The following ERCC8 variants were observed in gnomAD, a reference collection of about 807,000 sequenced individuals.
ERCC8 encodes the protein DNA excision repair protein ERCC-8.
A neutral mutation model predicts 54.9 loss-of-function variants in ERCC8; 52 were observed. The observed-to-expected ratio is 0.95, with a 90% CI of 0.76 to 1.19. ERCC8 has a LOEUF of 1.19. ERCC8 is among the 50% of genes most tolerant of loss of function. The probability of loss-of-function intolerance (pLI) is 0.00; values close to 1 mark genes in which losing one functional copy is unlikely to be tolerated. For synonymous variants in ERCC8, 146 were observed against 157.2 expected (o/e 0.93, Z 0.53); for missense variants, 514 against 466.1 (o/e 1.10, Z -0.95).
chr5:60,882,287 A>G (rs1224245041), intron 11 of ERCC8, among the ~76,000 whole-genome samples: 1 of 152,246 alleles, frequency 6.6e-6, no homozygotes, highest in African/African-American at 2.4e-5. Context: ...TCCAAGTATC[A>G]GCTAGAAGAG....
intron 7 of ERCC8, among the ~76,000 whole-genome samples, chr5:60,901,217 T>C (rs1748895147): frequency 6.6e-6 from 1 of 152,178 alleles, no homozygotes; most frequent in South Asian, 2.1e-4. Context: ...ACTCTCATAC[T>C]TCTACTTCAT....
chr5:60,918,526 T>G lies in ERCC8; in HGVS notation c.276-138A>C, dbSNP rs4647087. ...AGATCACATGCCTGTGTCCAAGCTGTGTAGAAGGCGAGAAAGAATGTCCAG... is the reference window on the plus strand; with the variant it reads ...AGATCACATGCCTGTGTCCAAGCTGGGTAGAAGGCGAGAAAGAATGTCCAG... On this transcript the variant is annotated intron_variant, in intron 3 of 11. Coordinates refer to ENST00000676185, the MANE Select transcript of ERCC8 (RefSeq NM_000082.4). 1,701 of 717,034 alleles carry G rather than the reference T, an allele frequency of 2.4e-3. 16 individuals carry two copies. The African/African-American group carries it at 0.026, about 11-fold the overall frequency. The allele number at this position is 717,034 out of a possible 1,614,324, so 44.4% of individuals were successfully genotyped here. A position where few individuals can be genotyped will look rare whatever the true frequency, so the allele number is the denominator to read the frequency against.
rs869039109 is a variant in ERCC8 at position 60,904,634 on chromosome 5, G to GTA, written c.481+156_481+157dup. On this transcript the variant is annotated intron_variant, in intron 5 of 11. Transcript: ENST00000676185. ...TTGAATATATATAGTGTGTGTGTGT[G>GTA]TATATATATATATATATATATATAT... Among the ~76,000 whole-genome samples the GTA allele has an allele frequency of 7.6e-3, 380 of 49,810 alleles. 2 individuals carry two copies. Among genetic ancestry groups the GTA allele is most frequent in the African/African-American group, 0.012 (142 of 11,836 alleles). The allele number at this position is 49,810 out of a possible 152,430, so 32.7% of individuals were successfully genotyped here.
intron 6 of ERCC8, chr5:60,903,438 C>T: frequency 6.9e-6 from 5 of 728,284 alleles, no homozygotes; most frequent in Non-Finnish European, 8.3e-6. Flanking sequence ...TTTGAGCTTC[C>T]CCAATGATCA....
intron 10 of ERCC8, among the ~76,000 whole-genome samples, chr5:60,889,357 T>C (rs749887921): frequency 6.6e-6 from 1 of 152,190 alleles, no homozygotes; most frequent in Non-Finnish European, 1.5e-5. Flanking sequence ...CTGTTGCCCA[T>C]GTTGGAGTGC....
intron 4 of ERCC8, among the ~76,000 whole-genome samples, chr5:60,916,411 C>G (rs955588337): frequency 1.3e-5 from 2 of 151,854 alleles, no homozygotes; most frequent in East Asian, 3.9e-4. Flanking sequence ...GTAAGTGTTC[C>G]CCTCTCTAGG....
At position 60,918,375 on chromosome 5, in the gene ERCC8, C is replaced by T. The variant is rs1749502304; in HGVS notation, c.289G>A (p.Val97Ile). 3 of 1,610,400 alleles carry T rather than the reference C, an allele frequency of 1.9e-6. No individual in the cohort carries two copies. The highest frequency in any genetic ancestry group is 1.3e-5 in the African/African-American group (1 of 74,780). ...ACAGTCTCCACACTGTATCTGTGAA[C>T]ATCAGGATGATCTCTACAAAACAGC... ...VCSIGRDHPDVHRYSVETVQW... is the reference protein window; with the variant it reads ...VCSIGRDHPDIHRYSVETVQW... The change falls in exon 4 of 12, where the codon GTT becomes ATT. Residue 97 changes from valine to isoleucine, a missense_variant. By Grantham distance (29) the Val-to-Ile change is conservative (BLOSUM62 3). Transcript: ENST00000676185.
chr5:60,905,297 A>G (rs879347017), intron 4 of ERCC8, among the ~76,000 whole-genome samples: 10 of 152,054 alleles, frequency 6.6e-5, no homozygotes, highest in Non-Finnish European at 1.3e-4. Flanking sequence ...TCAGTTATCT[A>G]TGACCACAAT....
intron 8 of ERCC8, among the ~76,000 whole-genome samples, chr5:60,898,907 A>G (rs956863781): frequency 6.6e-6 from 1 of 151,476 alleles, no homozygotes; most frequent in Non-Finnish European, 1.5e-5. Flanking sequence ...ATTTAAAAAC[A>G]TATAAAACAT....
At chr5:60,938,349 AATT>A (rs769814126) in intron 1 of ERCC8, among the ~76,000 whole-genome samples, 4,285 of 108,676 alleles carry the variant, frequency 0.039, 260 homozygotes, top group East Asian at 0.16. Context: ...TACCTTTTTG[AATT>A]TTTTTTTTTT....
At chr5:60,877,256 A>G (rs1748041436) in intron 11 of ERCC8, among the ~76,000 whole-genome samples, 1 of 152,224 alleles carries the variant, frequency 6.6e-6, no homozygotes, top group South Asian at 2.1e-4. Flanking sequence ...TTTTGGTACC[A>G]GTACCGTGCT....
chr5:60,875,762 T>C (rs1338314249), intron 11 of ERCC8, among the ~76,000 whole-genome samples: 1 of 152,172 alleles, frequency 6.6e-6, no homozygotes, highest in Non-Finnish European at 1.5e-5. Flanking sequence ...AGTGGCGCGA[T>C]CTCCGCTCAC....
At chr5:60,907,989 A>G (rs1307635937) in intron 4 of ERCC8, among the ~76,000 whole-genome samples, 1 of 152,154 alleles carries the variant, frequency 6.6e-6, no homozygotes, top group Admixed American at 6.5e-5. Flanking sequence ...TCCTCTTTAA[A>G]GCAATCTTTT....
At chr5:60,887,198 G>A (rs375935908) in intron 11 of ERCC8, among the ~76,000 whole-genome samples, 32 of 151,998 alleles carry the variant, frequency 2.1e-4, no homozygotes, top group African/African-American at 7.2e-4. Flanking sequence ...TTATTTTTAC[G>A]GAAATTACCA....
rs1561519054 is a variant in ERCC8, at chr5:60,938,074, TA to T, written c.77+6857del. Among the ~76,000 whole-genome samples the T allele has an allele frequency of 2.4e-4, 9 of 37,528 alleles. 1 individual carries two copies. The highest frequency in any genetic ancestry group is 7.5e-4 in the African/African-American group (9 of 12,068). 24.6% of individuals were successfully genotyped at this position (37,528 alleles called of 152,430 possible). On this transcript the variant is annotated intron_variant, in intron 1 of 11. Transcript: ENST00000676185. ...ATATATATATATATATATATATATA[TA>T]TATATATATATTTTATTTTTTTTTT...
chr5:60,938,066 TATATATATATATATATATATTTTA>T (rs1213017229), intron 1 of ERCC8, among the ~76,000 whole-genome samples: 965 of 32,672 alleles, frequency 0.03, 48 homozygotes, highest in African/African-American at 0.072. Flanking sequence ...TATATATATA[TATATATATATATATATATATTTTA>T]TTTTTTTTTT....
chr5:60,933,242 G>T, intron 1 of ERCC8, among the ~76,000 whole-genome samples: 2 of 118,870 alleles, frequency 1.7e-5, no homozygotes, highest in Non-Finnish European at 3.4e-5. Context: ...TTTTTGAGAC[G>T]GAGTCTCACT....
chr5:60,904,655 T>C (rs1424029371), intron 5 of ERCC8, 137 bp downstream of exon 5: 1 of 131,046 alleles, frequency 7.6e-6, no homozygotes, highest in African/African-American at 3.6e-5. Context: ...TATATATATA[T>C]ATATATATAT....
At position 60,918,160 on chromosome 5, in the gene ERCC8, C is replaced by A. The variant is rs1301087750; in HGVS notation, c.399+105G>T. On this transcript the variant is annotated intron_variant, in intron 4 of 11. Transcript: ENST00000676185. ...CTTCTTAACCACTGTACTGCTTTCA[C>A]ATCTAACATATATGACATCTCAGCA... is the stretch of plus-strand genomic sequence containing the variant. 3.3e-6 allele frequency: 3 copies of A among 911,588 alleles called. No homozygotes were observed. The East Asian group carries it at 7.4e-5, about 22-fold the overall frequency. The allele number at this position is 911,588 out of a possible 1,614,324, so 56.5% of individuals were successfully genotyped here.
Sources: allele counts gnomAD v4.1 joint callset (sites outside exome capture counted in the v4.1 genomes callset), GRCh38; gene constraint gnomAD v4.1.1; transcripts MANE v1.5; gene names NCBI Gene and HGNC (gene_info 2026-07-23, HGNC 2026-07-21).